The following CDH13 variants were observed in gnomAD, a reference collection of about 807,000 sequenced individuals.
CDH13 encodes cadherin 13.
CDH13 carries 24 observed loss-of-function variants against 63.8 expected under a neutral mutation model. The ratio of observed to expected loss-of-function variants is 0.38; its 90% confidence interval spans 0.27 to 0.53. The LOEUF (loss-of-function observed/expected upper bound fraction) is 0.53, where lower values mean the gene tolerates loss of function less well. CDH13 is among the 20% of genes least tolerant of loss of function. The pLI, the probability that CDH13 is intolerant of heterozygous loss-of-function variation, is 0.85. For missense variants in CDH13, 1,049 were observed against 903.1 expected (o/e 1.16, Z -2.07); for synonymous variants, 503 against 355.3 (o/e 1.42, Z -4.67).
chr16:83,628,843 C>G (rs1239761987), intron 8 of CDH13, among the ~76,000 whole-genome samples: 2 of 152,162 alleles, frequency 1.3e-5, no homozygotes, highest in African/African-American at 2.4e-5. Flanking sequence ...TGTCTAAAAG[C>G]TTTCTGTGGG....
chr16:82,981,786 T>A (rs1422356919), intron 2 of CDH13, among the ~76,000 whole-genome samples: 1 of 152,248 alleles, frequency 6.6e-6, no homozygotes, highest in Non-Finnish European at 1.5e-5. Context: ...CCTTTTTGAA[T>A]GTTCTACCCA....
chr16:83,166,713 A>T (rs1317706584), intron 4 of CDH13, among the ~76,000 whole-genome samples: 2 of 152,254 alleles, frequency 1.3e-5, no homozygotes, highest in South Asian at 2.1e-4. Flanking sequence ...TGTCTTTTGA[A>T]GTTCACTTTT....
chr16:83,573,362 C>G (rs566325674), intron 7 of CDH13, among the ~76,000 whole-genome samples: 1 of 152,234 alleles, frequency 6.6e-6, no homozygotes, highest in East Asian at 1.9e-4. Flanking sequence ...GGTCAGGAAG[C>G]CAATGGGTTC....
chr16:83,558,038 A>T (rs992075819), intron 7 of CDH13, among the ~76,000 whole-genome samples: 2 of 152,130 alleles, frequency 1.3e-5, no homozygotes, highest in African/African-American at 4.8e-5. Flanking sequence ...GTACAGCTTT[A>T]TATAAAAAGG....
chr16:83,257,145 C>T (rs560809229), intron 5 of CDH13, among the ~76,000 whole-genome samples: 33 of 152,072 alleles, frequency 2.2e-4, no homozygotes, highest in African/African-American at 7.7e-4. Flanking sequence ...AGGAAGGTTT[C>T]TTTGAAGAAG....
chr16:83,216,418 A>ATT (rs2039520359), intron 4 of CDH13, among the ~76,000 whole-genome samples: 2 of 93,152 alleles, frequency 2.1e-5, no homozygotes, highest in Non-Finnish European at 4.3e-5. Context: ...ATATATATAT[A>ATT]TATATATATA....
chr16:83,216,427 T>TATATATATATATATATAAAA (rs71148821), intron 4 of CDH13, among the ~76,000 whole-genome samples: 4 of 45,070 alleles, frequency 8.9e-5, no homozygotes. Context: ...TATATATATA[T>TATATATATATATATATAAAA]ATATATATAT....
intron 6 of CDH13, among the ~76,000 whole-genome samples, chr16:83,452,291 T>C (rs917918853): frequency 2.6e-5 from 4 of 152,218 alleles, no homozygotes; most frequent in Admixed American, 2.6e-4. Flanking sequence ...CTGCCTATAA[T>C]CAGTTTCATG....
intron 5 of CDH13, among the ~76,000 whole-genome samples, chr16:83,284,439 T>C (rs966065997): frequency 1.3e-5 from 2 of 152,202 alleles, no homozygotes; most frequent in Non-Finnish European, 2.9e-5. Context: ...ATATATTTAC[T>C]CTAGTGCCAG....
At chr16:83,328,323 ATTAGC>A (rs2090412466) in intron 5 of CDH13, among the ~76,000 whole-genome samples, 1 of 152,174 alleles carries the variant, frequency 6.6e-6, no homozygotes, top group Admixed American at 6.5e-5. Context: ...TGAAATAAAA[ATTAGC>A]TTAGCTATCT....
At chr16:83,371,506 G>A (rs1326461808) in intron 6 of CDH13, among the ~76,000 whole-genome samples, 1 of 152,182 alleles carries the variant, frequency 6.6e-6, no homozygotes, top group Middle Eastern at 3.2e-3. Flanking sequence ...CTGCTGTTGT[G>A]AAAGATAATT....
chr16:83,557,254 A>G (rs2075623232), intron 7 of CDH13, among the ~76,000 whole-genome samples: 1 of 152,180 alleles, frequency 6.6e-6, no homozygotes, highest in Non-Finnish European at 1.5e-5. Flanking sequence ...AGTTGAAGGA[A>G]AACAAGCTCA....
chr16:83,396,480 ACCT>A (rs1343629895), intron 6 of CDH13: 1 of 152,002 alleles, frequency 6.6e-6, no homozygotes, highest in Non-Finnish European at 1.5e-5. Flanking sequence ...TGCCTGGCTG[ACCT>A]CCTTCCTTTA....
chr16:83,685,391 T>C (rs184311856), intron 10 of CDH13, among the ~76,000 whole-genome samples: 54 of 152,256 alleles, frequency 3.5e-4, no homozygotes, highest in Admixed American at 3.0e-3. Context: ...AAATATCCCA[T>C]GATACTAGAT....
At chr16:83,007,806 A>G (rs1913695452) in intron 2 of CDH13, among the ~76,000 whole-genome samples, 1 of 151,304 alleles carries the variant, frequency 6.6e-6, no homozygotes, top group African/African-American at 2.4e-5. Context: ...TCTGGGCAAC[A>G]GAGCAAGACG....
At chr16:83,208,665 C>T (rs1278117475) in intron 4 of CDH13, among the ~76,000 whole-genome samples, 1 of 152,116 alleles carries the variant, frequency 6.6e-6, no homozygotes, top group Non-Finnish European at 1.5e-5. Context: ...CTCTAAAGAC[C>T]AGTGCTGTTC....
chr16:83,403,564 A>C (rs2092000069), intron 6 of CDH13, among the ~76,000 whole-genome samples: 1 of 152,154 alleles, frequency 6.6e-6, no homozygotes, highest in South Asian at 2.1e-4. Context: ...CAGAGCTTGC[A>C]GTGACCCGAG....
At chr16:82,712,581 T>C (rs150124165) in intron 1 of CDH13, among the ~76,000 whole-genome samples, 168 of 152,316 alleles carry the variant, frequency 1.1e-3, no homozygotes, top group African/African-American at 3.8e-3. Context: ...CTTTGTCCCT[T>C]TCTCACATGG....
chr16:83,424,434 T>C (rs145951699), intron 6 of CDH13, among the ~76,000 whole-genome samples: 3 of 152,320 alleles, frequency 2.0e-5, no homozygotes, highest in Admixed American at 2.0e-4. Flanking sequence ...ATTTCAGTTG[T>C]TCAAACTAGT....
Sources: allele counts gnomAD v4.1 joint callset (sites outside exome capture counted in the v4.1 genomes callset), GRCh38; gene constraint gnomAD v4.1.1; transcripts MANE v1.5; gene names NCBI Gene and HGNC (gene_info 2026-07-23, HGNC 2026-07-21).